The following LTBP1 variants were observed in gnomAD, a reference collection of about 807,000 sequenced individuals.
LTBP1 encodes the protein latent-transforming growth factor beta-binding protein 1.
LTBP1 carries 129 observed loss-of-function variants against 207.6 expected under a neutral mutation model. The ratio of observed to expected loss-of-function variants is 0.62; its 90% CI spans 0.54 to 0.72. The LOEUF (loss-of-function observed/expected upper bound fraction) is 0.72. Ranked by LOEUF, LTBP1 falls within the 30% of genes least tolerant of loss-of-function variation. The probability of loss-of-function intolerance (pLI) is 0.00; values close to 1 mark genes in which losing one functional copy is unlikely to be tolerated. For synonymous variants in LTBP1, 963 were observed against 833.7 expected (o/e 1.16, Z -2.67); for missense variants, 2,281 against 2,217.2 (o/e 1.03, Z -0.58).
intron 3 of LTBP1, among the ~76,000 whole-genome samples, chr2:33,107,403 T>C (rs2080126806): frequency 6.6e-6 from 1 of 152,212 alleles, no homozygotes; most frequent in South Asian, 2.1e-4. Context: ...GAAATGTCTC[T>C]TGTGTGTTTA....
intron 7 of LTBP1, among the ~76,000 whole-genome samples, chr2:33,204,183 G>GT (rs1426686026): frequency 1.3e-4 from 20 of 152,240 alleles, no homozygotes; most frequent in African/African-American, 4.6e-4. Context: ...TGATAGTACT[G>GT]TTTTTTTCCT....
At chr2:33,025,670 A>G (rs2075380867) in intron 3 of LTBP1, among the ~76,000 whole-genome samples, 1 of 152,230 alleles carries the variant, frequency 6.6e-6, no homozygotes, top group Admixed American at 6.5e-5. Flanking sequence ...ATGGCATTGT[A>G]GTTATGTTCA....
chr2:33,166,799 A>G (rs1415012106), intron 5 of LTBP1, among the ~76,000 whole-genome samples: 4 of 152,220 alleles, frequency 2.6e-5, no homozygotes, highest in African/African-American at 9.6e-5. Context: ...GGAAGGAGAC[A>G]TGTTGGCTCA....
intron 3 of LTBP1, chr2:33,056,487 A>G (rs1445918994): frequency 1.6e-5 from 13 of 807,914 alleles, no homozygotes; most frequent in African/African-American, 3.5e-5. Flanking sequence ...ATGAGGGATG[A>G]TGCGCGTCTT....
At chr2:33,279,650 G>A (rs1250772041) in intron 18 of LTBP1, among the ~76,000 whole-genome samples, 1 of 152,178 alleles carries the variant, frequency 6.6e-6, no homozygotes, top group Non-Finnish European at 1.5e-5. Context: ...AGAACCTCTA[G>A]CTGGGTGGAT....
chr2:33,278,005 T>C (rs559709022), intron 18 of LTBP1, among the ~76,000 whole-genome samples: 25 of 151,196 alleles, frequency 1.7e-4, no homozygotes, highest in Non-Finnish European at 3.7e-4. Flanking sequence ...AATTTTTTTT[T>C]CTATTTTTAG....
intron 7 of LTBP1, among the ~76,000 whole-genome samples, chr2:33,209,728 A>G (rs762329429): frequency 6.6e-6 from 1 of 152,200 alleles, no homozygotes; most frequent in Non-Finnish European, 1.5e-5. Flanking sequence ...GGGATATTGT[A>G]TATCGAATAA....
intron 5 of LTBP1, among the ~76,000 whole-genome samples, chr2:33,141,887 G>C (rs998168716): frequency 1.3e-5 from 2 of 152,034 alleles, no homozygotes; most frequent in African/African-American, 4.8e-5. Context: ...ATTAATATCT[G>C]CAGATAAAGA....
At chr2:33,212,980 C>T (rs982556411) in intron 7 of LTBP1, among the ~76,000 whole-genome samples, 5 of 152,256 alleles carry the variant, frequency 3.3e-5, no homozygotes, top group African/African-American at 1.2e-4. Context: ...CAGGCTTCCT[C>T]TTGCTCAGGG....
intron 31 of LTBP1, 105 bp from the exon 32 acceptor site, chr2:33,389,079 C>T (rs767277058): frequency 1.6e-5 from 24 of 1,498,534 alleles, no homozygotes; most frequent in Non-Finnish European, 2.1e-5. Context: ...TGGAGACACA[C>T]GTGGAAGGGT....
intron 5 of LTBP1, among the ~76,000 whole-genome samples, chr2:33,156,855 G>T (rs1250280389): frequency 1.3e-5 from 2 of 152,034 alleles, no homozygotes; most frequent in African/African-American, 2.4e-5. Flanking sequence ...ATGTCATTTA[G>T]CTATAATTTC....
chr2:33,006,415 G>GC (rs1415064760), intron 2 of LTBP1, among the ~76,000 whole-genome samples: 1 of 125,534 alleles, frequency 8.0e-6, no homozygotes, highest in African/African-American at 3.2e-5. Flanking sequence ...ACAGAGTCTT[G>GC]CTCTATCACC....
chr2:33,320,103 C>T lies in LTBP1; in HGVS notation c.3730+4834C>T, dbSNP rs2094332554. Among the ~76,000 whole-genome samples the T allele has an allele frequency of 2.6e-5, 4 of 152,128 alleles. 1 individual carries two copies. The highest frequency in any genetic ancestry group is 2.6e-4 in the Admixed American group (4 of 15,274). ...GTGATAAAGGCTGGGCATGGTAGCT[C>T]ACACCTGTGATCCCAAGCACTTTGG... On this transcript the variant is annotated intron_variant, in intron 24 of 33. Transcript: ENST00000404816.
intron 2 of LTBP1, among the ~76,000 whole-genome samples, 162 bp downstream of exon 2, chr2:32,949,107 G>A (rs988741430): frequency 6.6e-5 from 10 of 152,192 alleles, no homozygotes; most frequent in African/African-American, 2.2e-4. Context: ...GGCTGGGTCA[G>A]GGTAATGTTA....
At chr2:33,217,696 T>C (rs1481129156) in intron 8 of LTBP1, 42 bp downstream of exon 8, 1 of 1,413,262 alleles carries the variant, frequency 7.1e-7, no homozygotes, top group Non-Finnish European at 1.0e-6. Context: ...TAATGTAGCA[T>C]ATCTGTTTTT....
chr2:33,007,318 C>T (rs946500778), intron 2 of LTBP1, among the ~76,000 whole-genome samples: 1 of 152,206 alleles, frequency 6.6e-6, no homozygotes, highest in Non-Finnish European at 1.5e-5. Context: ...AAATCTATGG[C>T]ATGGCTTGGA....
chr2:33,312,604 A>G (rs2094204281), intron 23 of LTBP1, among the ~76,000 whole-genome samples: 1 of 152,190 alleles, frequency 6.6e-6, no homozygotes, highest in Non-Finnish European at 1.5e-5. Flanking sequence ...GAAATGCCTC[A>G]ATAAGTACAA....
chr2:33,360,703 A>G lies in LTBP1; in HGVS notation c.4107A>G (p.Lys1369=). ...CDNVLAPNVT[K]QECCCTSGVG... ...ATGTGTTGGCCCCCAATGTCACGAA[A>G]CAAGAATGCTGCTGTACATCAGGCG... is the stretch of plus-strand genomic sequence containing the variant. The change falls in exon 27 of 34, where the codon AAA becomes AAG. Residue 1369 remains lysine, a synonymous_variant. Coordinates refer to ENST00000404816, the MANE Select transcript of LTBP1 (RefSeq NM_206943.4). The G allele has an allele frequency of 6.2e-7, 1 of 1,613,962 alleles. No individual in the cohort carries two copies. Among genetic ancestry groups the G allele is most frequent in the Non-Finnish European group, 8.5e-7 (1 of 1,179,834 alleles).
intron 9 of LTBP1, among the ~76,000 whole-genome samples, chr2:33,233,959 T>A (rs950015139): frequency 5.3e-5 from 8 of 152,144 alleles, no homozygotes; most frequent in African/African-American, 1.9e-4. Context: ...GTGGTTTGTG[T>A]GTGTCTGTGT....
Sources: gnomAD v4.1 joint callset for allele counts (sites outside exome capture counted in the v4.1 genomes callset) on GRCh38, gnomAD v4.1.1 for gene constraint, MANE v1.5 for transcripts, NCBI Gene and HGNC (gene_info 2026-07-23, HGNC 2026-07-21) for gene names.